The following C2 variants were observed in gnomAD, a reference collection of about 807,000 sequenced individuals.
The protein encoded by C2 is C3/C5 convertase.
In C2, 64 loss-of-function variants were observed where a neutral mutation model predicts 85.2. The ratio of observed to expected loss-of-function variants is 0.75; its 90% confidence interval spans 0.61 to 0.92. The LOEUF (loss-of-function observed/expected upper bound fraction) is 0.92. C2 is among the 40% of genes least tolerant of loss of function. C2 has a pLI of 0.00. For synonymous variants in C2, 311 were observed against 370.8 expected, an observed-to-expected ratio of 0.84 and a Z score of 1.85; for missense variants, 820 against 971.6, an observed-to-expected ratio of 0.84 and a Z score of 2.07.
upstream of C2, among the ~76,000 whole-genome samples, chr6:31,926,510 T>C (rs1416377173): frequency 6.6e-6 from 1 of 152,044 alleles, no homozygotes; most frequent in Non-Finnish European, 1.5e-5. Flanking sequence ...TTTTTTGTAA[T>C]TTTAGTAGAG....
chr6:31,901,114 C>G, exon 1 of C2: 1 of 1,614,072 alleles, frequency 6.2e-7, no homozygotes, highest in Non-Finnish European at 8.5e-7. Flanking sequence ...AGCTGGGGTT[C>G]AGCAGGAACT....
chr6:31,900,984 A>C, upstream of C2: 2 of 1,614,196 alleles, frequency 1.2e-6, no homozygotes, highest in Non-Finnish European at 1.7e-6. This position sits in a 1 kb window ranked among gnomAD's most constrained non-coding sequence, Gnocchi z 9.7. Context: ...TGCAGGTAGG[A>C]GGCGGCTGTA....
At chr6:31,936,379 T>C (rs1234010943) in intron 7 of C2, 1 of 408,730 alleles carries the variant, frequency 2.4e-6, no homozygotes, top group African/African-American at 2.0e-5. Flanking sequence ...CCATACACCA[T>C]GTAAAGTGCC....
intron 1 of C2, among the ~76,000 whole-genome samples, chr6:31,903,083 T>C (rs1767480347): frequency 6.6e-6 from 1 of 152,120 alleles, no homozygotes; most frequent in Non-Finnish European, 1.5e-5. Context: ...TAGGAGCGTC[T>C]TGAAGGCTGG....
At chr6:31,900,277 C>G (rs754946559), upstream of C2, 1 of 1,613,388 alleles carries the variant, frequency 6.2e-7, no homozygotes, top group Non-Finnish European at 8.5e-7. This position sits in a 1 kb window ranked among gnomAD's most constrained non-coding sequence, Gnocchi z 9.7. Flanking sequence ...TCTCCACGCC[C>G]TGGAACACTT....
chr6:31,942,564 A>G (rs1193978778), intron 9 of C2, among the ~76,000 whole-genome samples: 3 of 151,986 alleles, frequency 2.0e-5, no homozygotes, highest in Admixed American at 6.6e-5. Context: ...AGTGGGGATG[A>G]AAGTTTGTCT....
rs570157918 is a variant in C2 at position 31,939,311 on chromosome 6, G to A, written c.1210G>A (p.Asp404Asn). The A allele has an allele frequency of 1.2e-6, 2 of 1,610,974 alleles. No individual in the cohort carries two copies. Among genetic ancestry groups the A allele is most frequent in the South Asian group, 2.2e-5 (2 of 91,034 alleles). ...EILNINQKRN[D>N]YLDIYAIGVG... ...CCTGAACATCAACCAGAAGAGGAAT[G>A]ACTATCTGGGTGAGCCCCTGCCACT... Residue 404 changes from aspartate (D) to asparagine (N), a missense_variant, in exon 9 of 18, where the codon GAC becomes AAC. Physicochemically the swap from Asp to Asn is conservative, Grantham distance 23. Transcript: ENST00000299367.
In C2 at chr6:31,936,031, A is replaced by G; in HGVS notation, c.958A>G (p.Ile320Val). Residue 320 changes from isoleucine (I) to valine (V), a missense_variant, in exon 7 of 18, where the codon ATC (isoleucine) becomes GTC (valine). By Grantham distance (29) the Ile-to-Val change is conservative. Coordinates refer to ENST00000299367, the MANE Select transcript of C2 (RefSeq NM_000063.6). The stretch of plus-strand genomic sequence containing the variant: ...CAACTCCCGGGATATGACTGAGGTG[A>G]TCAGCAGCCTGGAAAATGCCAACTA... ...NDNSRDMTEV[I>V]SSLENANYKD... The G allele has an allele frequency of 6.2e-7, 1 of 1,613,040 alleles. No individual in the cohort carries two copies. The highest frequency in any genetic ancestry group is 8.5e-7 in the Non-Finnish European group (1 of 1,180,008).
upstream of C2, among the ~76,000 whole-genome samples, chr6:31,917,375 C>T (rs546636092): frequency 4.0e-5 from 6 of 151,766 alleles, no homozygotes; most frequent in Admixed American, 1.3e-4. Flanking sequence ...AATGAATTAG[C>T]GTAGGAACAG....
upstream of C2, among the ~76,000 whole-genome samples, chr6:31,915,090 A>G (rs1285282326): frequency 6.6e-6 from 1 of 152,170 alleles, no homozygotes; most frequent in Non-Finnish European, 1.5e-5. Context: ...TTGTCTTGCC[A>G]GGACTCTAAA....
At chr6:31,915,357 C>T (rs1489733538), upstream of C2, among the ~76,000 whole-genome samples, 4 of 152,178 alleles carry the variant, frequency 2.6e-5, no homozygotes, top group Non-Finnish European at 5.9e-5. Context: ...TCATTGCTCA[C>T]CTGGATGCTT....
At chr6:31,933,511 T>G (rs1014836565) in intron 3 of C2, 99 bp from the exon 4 acceptor site, 17 of 1,289,988 alleles carry the variant, frequency 1.3e-5, no homozygotes, top group Non-Finnish European at 1.8e-5. Context: ...CATCCCTGGG[T>G]TGGAACTGGG....
chr6:31,925,982 C>T (rs908082039), upstream of C2, among the ~76,000 whole-genome samples: 14 of 152,114 alleles, frequency 9.2e-5, no homozygotes, highest in African/African-American at 2.7e-4. Flanking sequence ...TGGTGGAAGA[C>T]GGATCTCCGC....
chr6:31,939,065 C>T (rs1477256342), intron 8 of C2, among the ~76,000 whole-genome samples, 166 bp from the exon 9 acceptor site: 2 of 152,202 alleles, frequency 1.3e-5, no homozygotes, highest in African/African-American at 4.8e-5. Flanking sequence ...TCCCAAAGTG[C>T]TAGGATTACA....
In C2 at chr6:31,943,847, A is replaced by G; in HGVS notation, c.1733+38A>G. 1 of 1,612,488 alleles carries G rather than the reference A, an allele frequency of 6.2e-7. No individual in the cohort carries two copies. Among genetic ancestry groups the G allele is most frequent in the Non-Finnish European group, 8.5e-7 (1 of 1,179,660 alleles). Reference sequence around the variant, plus strand: ...TGGGATGGGAGGGTGCCCTGCAGGGAAGAGTGCTCTGGAGATCCCTGGAAG... The same window carrying G: ...TGGGATGGGAGGGTGCCCTGCAGGGGAGAGTGCTCTGGAGATCCCTGGAAG... On this transcript the variant is annotated intron_variant, in intron 13 of 17. Transcript: ENST00000299367. This position sits in a 1 kb window ranked among gnomAD's most constrained non-coding sequence, Gnocchi z 6.4.
chr6:31,943,281 T>G lies in C2; in HGVS notation c.1417T>G (p.Ser473Ala), dbSNP rs1005875822. Residue 473 changes from serine to alanine, a missense_variant, in exon 11 of 18, where the codon TCT becomes GCT. Coordinates refer to ENST00000299367, the MANE Select transcript of C2 (RefSeq NM_000063.6). This position sits in a 1 kb window ranked among gnomAD's most constrained non-coding sequence, Gnocchi z 6.4. ...CGVGNMSANA[S>A]DQERTPWHVT... ...GGTGGGGAACATGTCAGCAAACGCCTCTGACCAGGAGAGGACACCCTGGCA... is the reference window on the plus strand; with the variant it reads ...GGTGGGGAACATGTCAGCAAACGCCGCTGACCAGGAGAGGACACCCTGGCA... 4 of 1,613,016 alleles carry G rather than the reference T, an allele frequency of 2.5e-6. No individual in the cohort carries two copies. Among genetic ancestry groups the G allele is most frequent in the Non-Finnish European group, 3.4e-6 (4 of 1,179,988 alleles).
chr6:31,916,061 T>C (rs1289190198), upstream of C2, among the ~76,000 whole-genome samples: 2 of 152,086 alleles, frequency 1.3e-5, no homozygotes, highest in Non-Finnish European at 2.9e-5. Flanking sequence ...ACAGTCTGGG[T>C]TTGCTGGCGT....
intron 1 of C2, among the ~76,000 whole-genome samples, chr6:31,912,914 C>G (rs1409311687): frequency 6.6e-6 from 1 of 150,920 alleles, no homozygotes; most frequent in Non-Finnish European, 1.5e-5. Flanking sequence ...ATGTGTCAGG[C>G]CAAGCGCAGT....
chr6:31,911,192 G>A (rs1231077716), intron 1 of C2, among the ~76,000 whole-genome samples: 2 of 151,634 alleles, frequency 1.3e-5, no homozygotes, highest in African/African-American at 2.4e-5. Context: ...CCAGCTACTC[G>A]AGAGGTGGAG....
Sources: allele counts gnomAD v4.1 joint callset (sites outside exome capture counted in the v4.1 genomes callset), GRCh38; gene constraint gnomAD v4.1.1; non-coding constraint Gnocchi (gnomAD v3.1); transcripts MANE v1.5; gene names NCBI Gene and HGNC (gene_info 2026-07-23, HGNC 2026-07-21).